Variants in PPP3CC observed in about 807,000 individuals in gnomAD.
The protein encoded by PPP3CC is serine/threonine-protein phosphatase 2B catalytic subunit gamma isoform.
Under a neutral mutation model 60.3 loss-of-function variants are expected in PPP3CC, and 35 were observed. That is an observed-to-expected ratio of 0.58 (90% CI 0.44 to 0.77). The LOEUF (loss-of-function observed/expected upper bound fraction) is 0.77. Ranked by LOEUF, PPP3CC falls within the 30% of genes least tolerant of loss-of-function variation. The probability of loss-of-function intolerance (pLI) is 0.00; values close to 1 mark genes in which losing one functional copy is unlikely to be tolerated. For synonymous variants in PPP3CC, 206 were observed against 224.3 expected (o/e 0.92, Z 0.73); for missense variants, 570 against 628.9 (o/e 0.91, Z 1.00).
rs764089381 is a variant in PPP3CC at position 22,441,432 on chromosome 8, T to A, written c.23T>A (p.Leu8His). Residue 8 changes from leucine to histidine, a missense_variant, in exon 1 of 14, where the codon CTC becomes CAC. Transcript: ENST00000240139. MSGRRFH[L>H]STTDRVIKAV... ...ACCATGTCCGGGAGGCGCTTCCACC[T>A]CTCCACCACCGACCGCGTCATCAAA... 1 of 1,545,464 alleles carries A rather than the reference T, an allele frequency of 6.5e-7. No individual in the cohort carries two copies. The highest frequency in any genetic ancestry group is 8.7e-7 in the Non-Finnish European group (1 of 1,145,696).
Position 22,541,095 on chromosome 8 carries a change from C to A in PPP3CC, c.*293C>A, listed in dbSNP as rs191948797. Reference sequence around the variant, plus strand: ...AGTCTTGTGCTATAAAGGGGAACTTCCCCTAATAAAAGGGCCTTGGAAACC... The same window carrying A: ...AGTCTTGTGCTATAAAGGGGAACTTACCCTAATAAAAGGGCCTTGGAAACC... On this transcript the variant is annotated 3_prime_UTR_variant, in exon 14 of 14. Transcript: ENST00000240139. 1.6e-5 allele frequency: 3 copies of A among 190,214 alleles called. No homozygotes were observed. Among genetic ancestry groups the A allele is most frequent in the African/African-American group, 4.7e-5 (2 of 42,700 alleles). The allele number at this position is 190,214 out of a possible 1,614,324, so 11.8% of individuals were successfully genotyped here.
chr8:22,501,597 C>T (rs1838763862), intron 4 of PPP3CC, among the ~76,000 whole-genome samples: 1 of 152,224 alleles, frequency 6.6e-6, no homozygotes, highest in Non-Finnish European at 1.5e-5. Flanking sequence ...TAACATGTCG[C>T]CACCAGTGGT....
chr8:22,498,735 A>G (rs1838666726), intron 4 of PPP3CC, among the ~76,000 whole-genome samples: 2 of 152,202 alleles, frequency 1.3e-5, no homozygotes, highest in South Asian at 2.1e-4. Flanking sequence ...CGAACACACA[A>G]TCATATATGT....
chr8:22,479,101 C>G (rs1837984783), intron 3 of PPP3CC, among the ~76,000 whole-genome samples: 1 of 152,088 alleles, frequency 6.6e-6, no homozygotes, highest in African/African-American at 2.4e-5. Flanking sequence ...ATAGCTTACT[C>G]TAACATGTTG....
chr8:22,515,486 C>T (rs1342579752), intron 6 of PPP3CC, among the ~76,000 whole-genome samples: 3 of 152,156 alleles, frequency 2.0e-5, no homozygotes, highest in Non-Finnish European at 4.4e-5. Flanking sequence ...TATATACATA[C>T]ATAGTAGTGA....
At position 22,482,818 on chromosome 8, in the gene PPP3CC, C is replaced by T. The variant is rs539567178; in HGVS notation, c.372+7194C>T. On this transcript the variant is annotated intron_variant, in intron 3 of 13. Transcript: ENST00000240139. ...GATTATGAATGTTTCAATTCAGCTA[C>T]GTCAAGAAAAGCCAAGATACAGTAG... Among the ~76,000 whole-genome samples, 7 of 152,178 alleles carry T rather than the reference C, an allele frequency of 4.6e-5. No individual in the cohort carries two copies. In the East Asian group the frequency reaches 5.8e-4, roughly 13 times the overall value.
chr8:22,460,837 A>G (rs577281874), intron 1 of PPP3CC, among the ~76,000 whole-genome samples: 15 of 152,066 alleles, frequency 9.9e-5, no homozygotes, highest in Middle Eastern at 3.4e-3. Context: ...GAAAAAAGAA[A>G]ATCTTTACTT....
At chr8:22,501,983 T>A (rs1838775570) in intron 4 of PPP3CC, among the ~76,000 whole-genome samples, 1 of 152,182 alleles carries the variant, frequency 6.6e-6, no homozygotes, top group African/African-American at 2.4e-5. Context: ...GCTATGATTG[T>A]GCCACTGCAC....
chr8:22,528,681 G>A (rs942323219), intron 10 of PPP3CC, 104 bp downstream of exon 10: 9 of 859,550 alleles, frequency 1.0e-5, no homozygotes, highest in Non-Finnish European at 1.0e-5. Flanking sequence ...TAAAAATAAA[G>A]TTAGTTCATT....
At chr8:22,457,043 C>G (rs1837220552) in intron 1 of PPP3CC, among the ~76,000 whole-genome samples, 2 of 101,668 alleles carry the variant, frequency 2.0e-5, no homozygotes, top group African/African-American at 7.5e-5. Flanking sequence ...CTTCCTCCCT[C>G]CCTTCCTTCC....
intron 3 of PPP3CC, among the ~76,000 whole-genome samples, chr8:22,476,805 A>G (rs1837901269): frequency 6.6e-6 from 1 of 151,882 alleles, no homozygotes; most frequent in South Asian, 2.1e-4. Context: ...GTAGGCAGGC[A>G]CCTGTAGTCC....
At chr8:22,499,206 G>A (rs993036318) in intron 4 of PPP3CC, among the ~76,000 whole-genome samples, 3 of 151,540 alleles carry the variant, frequency 2.0e-5, no homozygotes, top group African/African-American at 7.3e-5. Context: ...TTGGGAGGCC[G>A]AGGCGGGTGG....
rs149114684 is a variant in PPP3CC at position 22,441,848 on chromosome 8, G to T, written c.49+390G>T. 7.2e-3 allele frequency among the ~76,000 whole-genome samples: 1,100 copies of T among 152,208 alleles called. 12 individuals are homozygous for T. The highest frequency in any genetic ancestry group is 0.024 in the African/African-American group (982 of 41,510). On this transcript the variant is annotated intron_variant, in intron 1 of 13. Transcript: ENST00000240139. ...TATTTAAGATTAGATCTTTCTTGAC[G>T]TCCGCCCCCCACCCTTTTTTAGGAC... is the stretch of plus-strand genomic sequence containing the variant.
chr8:22,485,769 A>G (rs1374140070), intron 3 of PPP3CC, among the ~76,000 whole-genome samples: 1 of 152,218 alleles, frequency 6.6e-6, no homozygotes, highest in East Asian at 1.9e-4. Flanking sequence ...TGCAGACAGA[A>G]TGGTATGTCC....
intron 3 of PPP3CC, among the ~76,000 whole-genome samples, chr8:22,476,174 A>G: frequency 6.6e-6 from 1 of 152,248 alleles, no homozygotes; most frequent in East Asian, 1.9e-4. Flanking sequence ...AGATAGGAAC[A>G]TGTTTAGAAT....
rs371040172 is a variant in PPP3CC, at chr8:22,512,252, T to C, written c.630+1021T>C. Among the ~76,000 whole-genome samples, 20 of 152,390 alleles carry C rather than the reference T, an allele frequency of 1.3e-4. No homozygotes were observed. In the East Asian group the frequency reaches 2.5e-3, roughly 19 times the overall value. On this transcript the variant is annotated intron_variant, in intron 5 of 13. Coordinates refer to ENST00000240139, the MANE Select transcript of PPP3CC (RefSeq NM_005605.5). The stretch of plus-strand genomic sequence containing the variant: ...GGTAAGAGGGTGTACCTATATGTAC[T>C]GGCTTTCCTCTTGCCTTACTGTCTT...
chr8:22,531,198 C>A, intron 10 of PPP3CC: 1 of 1,087,814 alleles, frequency 9.2e-7, no homozygotes, highest in Non-Finnish European at 1.3e-6. Context: ...TCTCTCATTG[C>A]ATTTCACTTT....
intron 5 of PPP3CC, among the ~76,000 whole-genome samples, chr8:22,511,571 C>A (rs1839088768): frequency 6.6e-6 from 1 of 152,032 alleles, no homozygotes; most frequent in Admixed American, 6.6e-5. Context: ...CACGCCTGGC[C>A]TAAAATTTGT....
chr8:22,519,384 A>T (rs1430922095), intron 6 of PPP3CC, among the ~76,000 whole-genome samples: 2 of 152,150 alleles, frequency 1.3e-5, no homozygotes, highest in Non-Finnish European at 2.9e-5. Context: ...ATAGGTAAGG[A>T]CTTACTATTA....
Sources: gnomAD v4.1 joint callset for allele counts (sites outside exome capture counted in the v4.1 genomes callset) on GRCh38, gnomAD v4.1.1 for gene constraint, MANE v1.5 for transcripts, NCBI Gene and HGNC (gene_info 2026-07-23, HGNC 2026-07-21) for gene names.